NRXN3: variants seen among roughly 807,000 people sequenced by gnomAD.
NRXN3 encodes the protein neurexin III.
NRXN3 carries 32 observed loss-of-function variants against 137.6 expected under a neutral mutation model. The ratio of observed to expected loss-of-function variants is 0.23; its 90% confidence interval spans 0.18 to 0.31. The LOEUF (loss-of-function observed/expected upper bound fraction) is 0.31. Ranked by LOEUF, NRXN3 falls within the 10% of genes least tolerant of loss-of-function variation. NRXN3 has a pLI of 1.00. For missense variants in NRXN3, 1,574 were observed against 2,062.5 expected (o/e 0.76, Z 4.59); for synonymous variants, 798 against 784.5 (o/e 1.02, Z -0.29).
chr14:78,376,964 A>G (rs2087974651), intron 4 of NRXN3, among the ~76,000 whole-genome samples: 1 of 152,220 alleles, frequency 6.6e-6, no homozygotes, highest in Admixed American at 6.5e-5. Flanking sequence ...GGACAAATCA[A>G]AACGGAATTC....
chr14:79,796,609 C>T (rs549840436), intron 19 of NRXN3, among the ~76,000 whole-genome samples: 1 of 152,238 alleles, frequency 6.6e-6, no homozygotes, highest in African/African-American at 2.4e-5. Flanking sequence ...GATCCCAATC[C>T]TCGGCACAAA....
chr14:79,409,853 C>T (rs368662486), intron 15 of NRXN3, among the ~76,000 whole-genome samples: 6 of 151,652 alleles, frequency 4.0e-5, no homozygotes, highest in East Asian at 1.9e-4. Context: ...TAGTTTTTGA[C>T]ATTTTGAAAT....
intron 4 of NRXN3, among the ~76,000 whole-genome samples, chr14:78,426,693 T>C (rs1449168515): frequency 6.6e-6 from 1 of 152,162 alleles, no homozygotes; most frequent in Non-Finnish European, 1.5e-5. Flanking sequence ...CCTGGGTCCC[T>C]AGTCTTGGCA....
intron 1 of NRXN3, among the ~76,000 whole-genome samples, chr14:78,228,151 T>A (rs1448738673): frequency 6.8e-6 from 1 of 147,892 alleles, no homozygotes; most frequent in Non-Finnish European, 1.5e-5. Flanking sequence ...TCGCTGAATT[T>A]TCTTTCTTTT....
At chr14:78,539,545 CT>C (rs1298249378) in intron 4 of NRXN3, among the ~76,000 whole-genome samples, 1 of 151,962 alleles carries the variant, frequency 6.6e-6, no homozygotes, top group Non-Finnish European at 1.5e-5. Flanking sequence ...TTTTGTTGAT[CT>C]TTTCAAAAAA....
At chr14:79,418,228 T>G (rs1223634467) in intron 15 of NRXN3, among the ~76,000 whole-genome samples, 1 of 152,202 alleles carries the variant, frequency 6.6e-6, no homozygotes, top group East Asian at 1.9e-4. Context: ...GTGATGTTTT[T>G]CAGTTAGAGG....
intron 14 of NRXN3, among the ~76,000 whole-genome samples, chr14:78,985,039 T>C (rs189087598): frequency 6.6e-6 from 1 of 152,242 alleles, no homozygotes; most frequent in East Asian, 1.9e-4. Flanking sequence ...TGCCCCTTAA[T>C]GCAAGTGAAG....
chr14:78,612,707 T>C (rs1298767140), intron 4 of NRXN3, among the ~76,000 whole-genome samples: 1 of 152,228 alleles, frequency 6.6e-6, no homozygotes, highest in African/African-American at 2.4e-5. Context: ...CAGTTGAGAT[T>C]TGCTATTCTG....
chr14:79,682,600 C>T (rs1046584945), intron 17 of NRXN3, among the ~76,000 whole-genome samples: 2 of 152,040 alleles, frequency 1.3e-5, no homozygotes, highest in African/African-American at 2.4e-5. Flanking sequence ...ATTAACTTTA[C>T]GGGGAGAAAG....
intron 19 of NRXN3, among the ~76,000 whole-genome samples, chr14:79,800,134 C>T (rs1191035205): frequency 6.6e-6 from 1 of 152,154 alleles, no homozygotes; most frequent in African/African-American, 2.4e-5. Context: ...CATACGTCAG[C>T]ACTTTAAGCA....
At chr14:78,317,659 T>G (rs1397539925) in intron 4 of NRXN3, among the ~76,000 whole-genome samples, 1 of 152,174 alleles carries the variant, frequency 6.6e-6, no homozygotes, top group African/African-American at 2.4e-5. Context: ...CTTCACTCAG[T>G]TCACTGATTC....
At chr14:79,231,142 G>A (rs1296844259) in intron 15 of NRXN3, among the ~76,000 whole-genome samples, 1 of 152,080 alleles carries the variant, frequency 6.6e-6, no homozygotes, top group African/African-American at 2.4e-5. Context: ...TGATTCCTGG[G>A]ATCATGCCAT....
intron 10 of NRXN3, among the ~76,000 whole-genome samples, chr14:78,926,212 A>T (rs2099289938): frequency 6.6e-6 from 1 of 151,958 alleles, no homozygotes; most frequent in Non-Finnish European, 1.5e-5. Context: ...CCCTATATAC[A>T]CTGTGTTTTT....
At position 78,742,053 on chromosome 14, in the gene NRXN3, A is replaced by C. The variant is rs1595411190; in HGVS notation, c.2044+26914A>C. 2.0e-5 allele frequency among the ~76,000 whole-genome samples: 3 copies of C among 152,136 alleles called. No individual in the cohort carries two copies. The South Asian group carries it at 6.2e-4, about 32-fold the overall frequency. ...GAGGTAGTGCAGCCTCATTTCAACA[A>C]ATCAGGTTGTCAAAATGGCTAATTG... is the stretch of plus-strand genomic sequence containing the variant. On this transcript the variant is annotated intron_variant, in intron 8 of 20. Coordinates refer to ENST00000335750, the MANE Select transcript of NRXN3 (RefSeq NM_001330195.2).
At chr14:79,788,434 T>C (rs2099135674) in intron 19 of NRXN3, among the ~76,000 whole-genome samples, 1 of 152,196 alleles carries the variant, frequency 6.6e-6, no homozygotes, top group South Asian at 2.1e-4. Context: ...ATAGTAACCC[T>C]ACGGGTGATT....
chr14:78,965,997 G>C, intron 11 of NRXN3, 28 bp from the exon 12 acceptor site: 1 of 1,602,510 alleles, frequency 6.2e-7, no homozygotes, highest in African/African-American at 1.3e-5. Flanking sequence ...TAACTTTTCT[G>C]TTTGTACCTC....
chr14:78,774,426 A>G lies in NRXN3; in HGVS notation c.2045-29194A>G, dbSNP rs142909108. Among the ~76,000 whole-genome samples the G allele has an allele frequency of 1.2e-3, 187 of 152,348 alleles. 2 individuals carry two copies. Among genetic ancestry groups the G allele is most frequent in the East Asian group, 7.5e-3 (39 of 5,186 alleles). ...ATAATTGGATAGTTTGAGGGGTACC[A>G]TGATTTCTTACATGTTGTACAACTT... On this transcript the variant is annotated intron_variant, in intron 8 of 20. Coordinates refer to ENST00000335750, the MANE Select transcript of NRXN3 (RefSeq NM_001330195.2).
intron 15 of NRXN3, among the ~76,000 whole-genome samples, chr14:79,372,808 T>C: frequency 6.6e-6 from 1 of 152,132 alleles, no homozygotes; most frequent in Non-Finnish European, 1.5e-5. Context: ...CAAAGAAACT[T>C]GACATATTCG....
At chr14:79,768,061 C>T (rs995226906) in intron 19 of NRXN3, among the ~76,000 whole-genome samples, 3 of 152,194 alleles carry the variant, frequency 2.0e-5, no homozygotes, top group Admixed American at 1.3e-4. Flanking sequence ...TGTGCTTTTC[C>T]GACGGGCTTA....
Sources: allele counts gnomAD v4.1 joint callset (sites outside exome capture counted in the v4.1 genomes callset), GRCh38; gene constraint gnomAD v4.1.1; transcripts MANE v1.5; gene names NCBI Gene and HGNC (gene_info 2026-07-23, HGNC 2026-07-21).